ODF4: variants seen among roughly 807,000 people sequenced by gnomAD.
The protein encoded by ODF4 is outer dense fiber protein 4.
A neutral mutation model predicts 17.0 loss-of-function variants in ODF4; 11 were observed. That is an observed-to-expected ratio of 0.65 (90% CI 0.41 to 1.07). ODF4 has a LOEUF of 1.07. Ranked by LOEUF, ODF4 falls within the 50% of genes least tolerant of loss-of-function variation. The probability of loss-of-function intolerance (pLI) is 0.00; values close to 1 mark genes in which losing one functional copy is unlikely to be tolerated. For missense variants in ODF4, 281 were observed against 310.2 expected (o/e 0.91, Z 0.71); for synonymous variants, 127 against 121.8 (o/e 1.04, Z -0.28).
At chr17:8,344,711 A>C (rs1906160931) in intron 1 of ODF4, 1 of 178,632 alleles carries the variant, frequency 5.6e-6, no homozygotes, top group Non-Finnish European at 1.1e-5. Flanking sequence ...CTGGTCTTGA[A>C]CTCCTGACCT....
chr17:8,340,018 G>C lies in ODF4; in HGVS notation c.-34G>C. ...GAAGAGACAATTGAGTCTGGTGAGG[G>C]AAAGGGGAGACAGAGGGTGAAGTGG... On this transcript the variant is annotated 5_prime_UTR_variant, in exon 1 of 3. Transcript: ENST00000328248. 7.3e-7 allele frequency: 1 copy of C among 1,377,248 alleles called. No individual in the cohort carries two copies. The highest frequency in any genetic ancestry group is 9.9e-7 in the Non-Finnish European group (1 of 1,014,546). The allele number at this position is 1,377,248 out of a possible 1,614,324, so 85.3% of individuals were successfully genotyped here.
At chr17:8,342,870 C>T (rs949856257) in intron 1 of ODF4, among the ~76,000 whole-genome samples, 6 of 151,784 alleles carry the variant, frequency 4.0e-5, no homozygotes, top group Non-Finnish European at 5.9e-5. Context: ...GTAGCTGGCA[C>T]CACAGATGCC....
Position 8,345,176 on chromosome 17 carries a change from T to C in ODF4, c.455-167T>C. 1.2e-6 allele frequency: 1 copy of C among 804,900 alleles called. No individual in the cohort carries two copies. Among genetic ancestry groups the C allele is most frequent in the Non-Finnish European group, 2.0e-6 (1 of 511,302 alleles). The allele number at this position is 804,900 out of a possible 1,614,324, so 49.9% of individuals were successfully genotyped here. A position where few individuals can be genotyped will look rare whatever the true frequency, so the allele number is the denominator to read the frequency against. ...CAGAACCGAGAATCGAGTTACATCA[T>C]TTCTTGGTCACAGGAGAGGTAGAAA... On this transcript the variant is annotated intron_variant, in intron 1 of 2. Transcript: ENST00000328248. The surrounding 1 kb of genome is among the most constrained non-coding windows in gnomAD (Gnocchi z 4.1).
intron 1 of ODF4, among the ~76,000 whole-genome samples, chr17:8,341,369 C>T (rs1009239925): frequency 1.3e-5 from 2 of 152,128 alleles, no homozygotes; most frequent in Non-Finnish European, 2.9e-5. Context: ...CACACATTCT[C>T]CTTTCCTTCT....
chr17:8,343,811 G>GACC, intron 1 of ODF4, among the ~76,000 whole-genome samples: 1 of 82,254 alleles, frequency 1.2e-5, no homozygotes, highest in South Asian at 3.6e-4. Flanking sequence ...ACCGCACCCA[G>GACC]CCAAGTGTGT....
chr17:8,344,816 T>TA (rs1567688949), intron 1 of ODF4: 2 of 961,020 alleles, frequency 2.1e-6, no homozygotes, highest in African/African-American at 3.5e-5. Context: ...CTCATTTGAT[T>TA]ATGTTTCATC....
chr17:8,342,194 A>G (rs1437053339), intron 1 of ODF4, among the ~76,000 whole-genome samples: 1 of 152,152 alleles, frequency 6.6e-6, no homozygotes, highest in African/African-American at 2.4e-5. Flanking sequence ...TAAAACTCAC[A>G]TAGGCGCCTT....
intron 1 of ODF4, among the ~76,000 whole-genome samples, chr17:8,342,884 A>G (rs944361736): frequency 4.0e-5 from 6 of 148,984 alleles, no homozygotes; most frequent in Non-Finnish European, 7.4e-5. Context: ...AGATGCCACC[A>G]TGCCTGGCTA....
chr17:8,345,991 C>G lies in ODF4; in HGVS notation c.*139C>G. On this transcript the variant is annotated 3_prime_UTR_variant, in exon 3 of 3. Coordinates refer to ENST00000328248, the MANE Select transcript of ODF4 (RefSeq NM_153007.5). The surrounding 1 kb of genome is among the most constrained non-coding windows in gnomAD (Gnocchi z 4.1). The stretch of plus-strand genomic sequence containing the variant: ...GGATTTTGCACTCCTCTGCTTTCTC[C>G]CTGCCTTGATTGAGCTTGAGTGATG... 1 of 641,492 alleles carries G rather than the reference C, an allele frequency of 1.6e-6. No homozygotes were observed. Among genetic ancestry groups the G allele is most frequent in the Admixed American group, 2.8e-5 (1 of 35,390 alleles). The allele number at this position is 641,492 out of a possible 1,614,324, so 39.7% of individuals were successfully genotyped here.
rs780450590 is a variant in ODF4 at position 8,340,334 on chromosome 17, C to T, written c.283C>T (p.Leu95=). 1 of 1,613,094 alleles carries T rather than the reference C, an allele frequency of 6.2e-7. No individual in the cohort carries two copies. The highest frequency in any genetic ancestry group is 2.2e-5 in the East Asian group (1 of 44,874). Residue 95 remains leucine, a synonymous_variant, in exon 1 of 3, where the codon CTA becomes TTA. Transcript: ENST00000328248. ...SELSLVAFIL[L]LVVAFSKKWL... ...GCTCAGCCTGGTTGCCTTTATCCTACTATTGGTCGTGGCCTTCTCCAAGAA... is the reference window on the plus strand; with the variant it reads ...GCTCAGCCTGGTTGCCTTTATCCTATTATTGGTCGTGGCCTTCTCCAAGAA...
chr17:8,344,523 G>A lies in ODF4; in HGVS notation c.455-820G>A, dbSNP rs1460195647. On this transcript the variant is annotated intron_variant, in intron 1 of 2. Transcript: ENST00000328248. ...TTTTTGTTTTTTGTTTTTTGCAGGC[G>A]GCGTCTCGCTCTGTTGCCCAGGCTG... Among the ~76,000 whole-genome samples the A allele has an allele frequency of 1.1e-4, 14 of 125,712 alleles. 3 individuals carry two copies. Among genetic ancestry groups the A allele is most frequent in the African/African-American group, 3.3e-4 (10 of 30,172 alleles). The allele number at this position is 125,712 out of a possible 152,430, so 82.5% of individuals were successfully genotyped here.
intron 1 of ODF4, among the ~76,000 whole-genome samples, chr17:8,344,548 G>T (rs1906151976): frequency 7.9e-6 from 1 of 127,058 alleles, no homozygotes; most frequent in Admixed American, 7.5e-5. Flanking sequence ...TGCCCAGGCT[G>T]GAGTGCAGTG....
rs143581575 is a variant in ODF4 at position 8,345,733 on chromosome 17, G to A, written c.655G>A (p.Val219Met). The change falls in exon 3 of 3, where the codon GTG (valine) becomes ATG (methionine). Residue 219 changes from valine (V) to methionine (M), a missense_variant. Physicochemically the swap from Val to Met is conservative, Grantham distance 21. Coordinates refer to ENST00000328248, the MANE Select transcript of ODF4 (RefSeq NM_153007.5). The surrounding 1 kb of genome is among the most constrained non-coding windows in gnomAD (Gnocchi z 4.1). ...GATTCTGAGCCACCCCAGTGGTGCC[G>A]TGTCCTGCAGCAGCAGTTTCGGCTC... ...SLILSHPSGAVSCSSSFGSVE... is the reference protein window; with the variant it reads ...SLILSHPSGAMSCSSSFGSVE... The A allele has an allele frequency of 1.5e-4, 239 of 1,613,900 alleles. No individual in the cohort carries two copies. The highest frequency in any genetic ancestry group is 3.9e-5 in the Non-Finnish European group (46 of 1,179,932).
chr17:8,341,265 G>C (rs977567766), intron 1 of ODF4, among the ~76,000 whole-genome samples: 3 of 152,072 alleles, frequency 2.0e-5, no homozygotes, highest in Non-Finnish European at 4.4e-5. Flanking sequence ...ATTTACCAGG[G>C]ACAAGAGCCC....
At position 8,345,781 on chromosome 17, in the gene ODF4, C is replaced by T. The variant is rs781743761; in HGVS notation, c.703C>T (p.Gln235Ter). Residue 235 changes from glutamine to a stop codon, truncating the protein, a stop_gained, in exon 3 of 3, where the codon CAG becomes TAG. Coordinates refer to ENST00000328248, the MANE Select transcript of ODF4 (RefSeq NM_153007.5). LOFTEE classifies it low-confidence loss of function (END_TRUNC). This position sits in a 1 kb window ranked among gnomAD's most constrained non-coding sequence, Gnocchi z 4.1. ...FGSVEESPRA[Q>*]TITDTPITQE... ...CTCAGTAGAAGAATCTCCAAGGGCACAGACGATCACAGACACCCCCATCAC... is the reference window on the plus strand; with the variant it reads ...CTCAGTAGAAGAATCTCCAAGGGCATAGACGATCACAGACACCCCCATCAC... 2.8e-5 allele frequency: 45 copies of T among 1,614,124 alleles called. 2 individuals carry two copies. The South Asian group carries it at 4.9e-4, about 18-fold the overall frequency.
In ODF4 at chr17:8,345,423, A is replaced by G. The variant is rs373755390; in HGVS notation, c.535A>G (p.Ile179Val). Reference protein sequence around the residue: ...FELERNVSIPIGWSYFIGWLV... With the variant: ...FELERNVSIPVGWSYFIGWLV... Reference sequence around the variant, plus strand: ...GTTGGAAAGGAATGTATCCATCCCCATAGGCTGGAGCTATTTCATTGGTTG... The same window carrying G: ...GTTGGAAAGGAATGTATCCATCCCCGTAGGCTGGAGCTATTTCATTGGTTG... Residue 179 changes from isoleucine to valine, a missense_variant, in exon 2 of 3, where the codon ATA (isoleucine) becomes GTA (valine). Transcript: ENST00000328248. The surrounding 1 kb of genome is among the most constrained non-coding windows in gnomAD (Gnocchi z 4.1). The G allele has an allele frequency of 3.0e-5, 48 of 1,612,538 alleles. No homozygotes were observed. The highest frequency in any genetic ancestry group is 3.8e-5 in the Non-Finnish European group (45 of 1,178,662).
Position 8,340,650 on chromosome 17 carries a change from C to T in ODF4, c.454+145C>T, listed in dbSNP as rs78128934. Reference sequence around the variant, plus strand: ...ATGGTTCCACTGGCACTGAGACCTCCGATGATCGTTTCTCATCCTGTAGCC... The same window carrying T: ...ATGGTTCCACTGGCACTGAGACCTCTGATGATCGTTTCTCATCCTGTAGCC... On this transcript the variant is annotated intron_variant, in intron 1 of 2. Coordinates refer to ENST00000328248, the MANE Select transcript of ODF4 (RefSeq NM_153007.5). 1,158 of 605,374 alleles carry T rather than the reference C, an allele frequency of 1.9e-3. 7 individuals are homozygous for T. The highest frequency in any genetic ancestry group is 0.019 in the African/African-American group (1,002 of 54,028). 37.5% of individuals were successfully genotyped at this position (605,374 alleles called of 1,614,324 possible).
chr17:8,343,134 ATTTTTTT>A (rs67338704), intron 1 of ODF4, among the ~76,000 whole-genome samples: 4 of 141,284 alleles, frequency 2.8e-5, no homozygotes, highest in African/African-American at 1.1e-4. Flanking sequence ...CTTATTGGAC[ATTTTTTT>A]TTTTTTTTGA....
At chr17:8,341,375 C>G (rs548052376) in intron 1 of ODF4, among the ~76,000 whole-genome samples, 2 of 152,298 alleles carry the variant, frequency 1.3e-5, no homozygotes, top group South Asian at 4.1e-4. Flanking sequence ...TTCTCCTTTC[C>G]TTCTGCCTCA....
Sources: gnomAD v4.1 joint callset for allele counts (sites outside exome capture counted in the v4.1 genomes callset) on GRCh38, gnomAD v4.1.1 for gene constraint, Gnocchi (gnomAD v3.1) non-coding constraint, MANE v1.5 for transcripts, NCBI Gene and HGNC (gene_info 2026-07-23, HGNC 2026-07-21) for gene names.